Variants in MYT1 observed in about 807,000 individuals in gnomAD.
MYT1 encodes the protein myelin transcription factor I.
Under a neutral mutation model 123.0 loss-of-function variants are expected in MYT1, and 23 were observed. The observed-to-expected ratio is 0.19, with a 90% CI of 0.13 to 0.26. The LOEUF (loss-of-function observed/expected upper bound fraction) is 0.26, where lower values mean the gene tolerates loss of function less well. Among genes scored for constraint, MYT1 ranks in the 10% least tolerant of loss-of-function variants. The pLI is 1.00. For synonymous variants in MYT1, 518 were observed against 575.3 expected (o/e 0.90, Z 1.43); for missense variants, 1,125 against 1,472.5 (o/e 0.76, Z 3.86).
At chr20:64,230,381 C>T (rs1000061962) in intron 18 of MYT1, among the ~76,000 whole-genome samples, 6 of 152,126 alleles carry the variant, frequency 3.9e-5, no homozygotes, top group Admixed American at 1.3e-4. Context: ...GGCGTGGTGG[C>T]GGGCGCCTGT....
In MYT1 at chr20:64,205,642, A is replaced by G; in HGVS notation, c.239A>G (p.Lys80Arg). 1 of 1,614,210 alleles carries G rather than the reference A, an allele frequency of 6.2e-7. No individual in the cohort carries two copies. Among genetic ancestry groups the G allele is most frequent in the Non-Finnish European group, 8.5e-7 (1 of 1,180,034 alleles). Reference sequence around the variant, plus strand: ...TCCAAGAGGAAGTCACACCCCCTGAAGCTGGCTCTGGACGAGGGCTATGGT... The same window carrying G: ...TCCAAGAGGAAGTCACACCCCCTGAGGCTGGCTCTGGACGAGGGCTATGGT... ...LVSKRKSHPL[K>R]LALDEGYGVD... is the part of the protein sequence containing the mutation. Residue 80 changes from lysine to arginine, a missense_variant, in exon 6 of 23, where the codon AAG becomes AGG. Coordinates refer to ENST00000328439, the MANE Select transcript of MYT1 (RefSeq NM_004535.3).
chr20:64,195,391 TG>T (rs1983084285), intron 2 of MYT1, among the ~76,000 whole-genome samples: 1 of 87,496 alleles, frequency 1.1e-5, no homozygotes, highest in Non-Finnish European at 2.3e-5. Flanking sequence ...TGTGTGTGTG[TG>T]TGTGTATACT....
At chr20:64,195,068 G>A (rs1983069804) in intron 2 of MYT1, among the ~76,000 whole-genome samples, 1 of 151,772 alleles carries the variant, frequency 6.6e-6, no homozygotes, top group Non-Finnish European at 1.5e-5. Flanking sequence ...GCTAATTTTT[G>A]TATTTTTAGT....
In MYT1 at chr20:64,218,004, C is replaced by T. The variant is rs151066523; in HGVS notation, c.1846+723C>T. Among the ~76,000 whole-genome samples the T allele has an allele frequency of 5.3e-5, 8 of 152,308 alleles. No individual in the cohort carries two copies. The East Asian group carries it at 9.6e-4, about 18-fold the overall frequency. On this transcript the variant is annotated intron_variant, in intron 11 of 22. Coordinates refer to ENST00000328439, the MANE Select transcript of MYT1 (RefSeq NM_004535.3). This position sits in a 1 kb window ranked among gnomAD's most constrained non-coding sequence, Gnocchi z 4.0. The stretch of plus-strand genomic sequence containing the variant: ...GTACACATGAGATTGGGAGTGGCAT[C>T]GCGGGGCAGATGTTGTCAGCCCCAA...
intron 1 of MYT1, among the ~76,000 whole-genome samples, chr20:64,177,059 G>A (rs1358022269): frequency 6.6e-6 from 1 of 152,176 alleles, no homozygotes. Context: ...AGACAGCCTG[G>A]GTGAAAGGTC....
At chr20:64,182,059 T>C (rs1982669196) in intron 1 of MYT1, among the ~76,000 whole-genome samples, 1 of 152,252 alleles carries the variant, frequency 6.6e-6, no homozygotes, top group Non-Finnish European at 1.5e-5. Context: ...ATTTTTATTC[T>C]AACCGTTTTC....
At chr20:64,183,048 C>G (rs1367350849) in intron 1 of MYT1, among the ~76,000 whole-genome samples, 3 of 152,222 alleles carry the variant, frequency 2.0e-5, no homozygotes, top group Non-Finnish European at 4.4e-5. Context: ...TCTCCATTTT[C>G]TCCTCCACCA....
Position 64,208,133 on chromosome 20 carries a change from T to C in MYT1, c.937T>C (p.Phe313Leu). 1 of 1,612,412 alleles carries C rather than the reference T, an allele frequency of 6.2e-7. No homozygotes were observed. The highest frequency in any genetic ancestry group is 8.5e-7 in the Non-Finnish European group (1 of 1,179,114). Residue 313 changes from phenylalanine (F) to leucine (L), a missense_variant, in exon 7 of 23, where the codon TTT becomes CTT. Transcript: ENST00000328439. The surrounding 1 kb of genome is among the most constrained non-coding windows in gnomAD (Gnocchi z 5.4). ...GGAGGAGGCAGCTCCTGATGTGATC[T>C]TTCAGGAAGACACCTCTCACACCTC... ...EEEEAAPDVI[F>L]QEDTSHTSAQ... is the part of the protein sequence containing the mutation.
At position 64,207,979 on chromosome 20, in the gene MYT1, CGAGGAGGAG is replaced by C. The variant is rs765836332; in HGVS notation, c.795_803del (p.Glu271_Glu273del). The C allele has an allele frequency of 2.5e-6, 4 of 1,569,198 alleles. No individual in the cohort carries two copies. Among genetic ancestry groups the C allele is most frequent in the African/African-American group, 1.5e-5 (1 of 67,422 alleles). On this transcript the variant is annotated inframe_deletion, in exon 7 of 23. Coordinates refer to ENST00000328439, the MANE Select transcript of MYT1 (RefSeq NM_004535.3). ...GCATCCTGAGTCACGAAGAGGAGGA[CGAGGAGGAG>C]GAGGAGGAGGAAGAGGAGGAGGAGG...
intron 1 of MYT1, among the ~76,000 whole-genome samples, chr20:64,184,516 C>T (rs1332960533): frequency 6.6e-6 from 1 of 152,140 alleles, no homozygotes; most frequent in Non-Finnish European, 1.5e-5. Flanking sequence ...AACACATTGC[C>T]TTGATTACTG....
In MYT1 at chr20:64,189,887, T is replaced by C. The variant is rs187676834; in HGVS notation, c.-98-176T>C. ...TCAGAGAGAAATTGTCTCTTGTTCCTGAAGCAGCCATGGAGCCATGACCTT... is the reference window on the plus strand; with the variant it reads ...TCAGAGAGAAATTGTCTCTTGTTCCCGAAGCAGCCATGGAGCCATGACCTT... On this transcript the variant is annotated intron_variant, in intron 1 of 22. Transcript: ENST00000328439. The surrounding 1 kb of genome is among the most constrained non-coding windows in gnomAD (Gnocchi z 5.5). Among the ~76,000 whole-genome samples the C allele has an allele frequency of 3.3e-5, 5 of 151,910 alleles. No homozygotes were observed. The East Asian group carries it at 7.7e-4, about 24-fold the overall frequency.
chr20:64,170,876 TATATATATAGAG>T (rs1419307458), intron 1 of MYT1, among the ~76,000 whole-genome samples: 18 of 60,578 alleles, frequency 3.0e-4, no homozygotes, highest in South Asian at 6.4e-4. Context: ...TATATATATA[TATATATATAGAG>T]AGAGAGAGAG....
rs1983134895 is a variant in MYT1, at chr20:64,196,738, TCA to T, written c.1-2121_1-2120del. Reference sequence around the variant, plus strand: ...AGCTGTCAGCTTCATCAACGGGAGCTCACAGTTTTCAAGCAGTGCCCATTACA... The same window carrying T: ...AGCTGTCAGCTTCATCAACGGGAGCTCAGTTTTCAAGCAGTGCCCATTACA... On this transcript the variant is annotated intron_variant, in intron 2 of 22. Coordinates refer to ENST00000328439, the MANE Select transcript of MYT1 (RefSeq NM_004535.3). This position sits in a 1 kb window ranked among gnomAD's most constrained non-coding sequence, Gnocchi z 4.3. Among the ~76,000 whole-genome samples the T allele has an allele frequency of 6.6e-6, 1 of 152,166 alleles. No individual in the cohort carries two copies. The highest frequency in any genetic ancestry group is 2.4e-5 in the African/African-American group (1 of 41,444).
rs1018002655 is a variant in MYT1 at position 64,232,829 on chromosome 20, T to C, written c.2897+444T>C. ...TACACCTTATGCCCTGTCCGTCCCA[T>C]TCATGCCTCTTCTTTGAACTCTGGG... is the stretch of plus-strand genomic sequence containing the variant. On this transcript the variant is annotated intron_variant, in intron 19 of 22. Coordinates refer to ENST00000328439, the MANE Select transcript of MYT1 (RefSeq NM_004535.3). This position sits in a 1 kb window ranked among gnomAD's most constrained non-coding sequence, Gnocchi z 6.9. Among the ~76,000 whole-genome samples the C allele has an allele frequency of 1.3e-5, 2 of 151,984 alleles. No individual in the cohort carries two copies. The highest frequency in any genetic ancestry group is 2.9e-5 in the Non-Finnish European group (2 of 67,960).
Position 64,186,269 on chromosome 20 carries a change from C to A in MYT1, c.-98-3794C>A, listed in dbSNP as rs561685220. ...CCGGGTCCCTAGAGAGGGGTCCCAG[C>A]CAGCGCCGCCCTCTGGGTGCCGGGA... On this transcript the variant is annotated intron_variant, in intron 1 of 22. Transcript: ENST00000328439. This position sits in a 1 kb window ranked among gnomAD's most constrained non-coding sequence, Gnocchi z 4.3. Among the ~76,000 whole-genome samples the A allele has an allele frequency of 5.3e-5, 8 of 152,152 alleles. No homozygotes were observed. The highest frequency in any genetic ancestry group is 5.2e-4 in the Admixed American group (8 of 15,278).
At chr20:64,179,549 CGTT>C (rs1342302876) in intron 1 of MYT1, among the ~76,000 whole-genome samples, 7 of 152,186 alleles carry the variant, frequency 4.6e-5, no homozygotes, top group African/African-American at 1.7e-4. Context: ...TCTATAGACT[CGTT>C]GTTTCCTGTT....
At chr20:64,170,921 A>AC (rs1324986114) in intron 1 of MYT1, among the ~76,000 whole-genome samples, 1 of 138,032 alleles carries the variant, frequency 7.2e-6, no homozygotes, top group African/African-American at 2.7e-5. Flanking sequence ...AGAGAGAGAG[A>AC]GAGAGAGAGA....
intron 16 of MYT1, among the ~76,000 whole-genome samples, chr20:64,226,307 C>T (rs775514715): frequency 1.8e-4 from 28 of 152,362 alleles, no homozygotes; most frequent in Admixed American, 3.9e-4. Flanking sequence ...CCTGCTGTGC[C>T]GCCACAGCCC....
intron 10 of MYT1, among the ~76,000 whole-genome samples, chr20:64,215,667 C>A (rs892257624): frequency 2.0e-5 from 3 of 151,958 alleles, no homozygotes; most frequent in African/African-American, 7.3e-5. Flanking sequence ...TCACTATAAC[C>A]TCAAACTCCT....
Sources: allele counts gnomAD v4.1 joint callset (sites outside exome capture counted in the v4.1 genomes callset), GRCh38; gene constraint gnomAD v4.1.1; non-coding constraint Gnocchi (gnomAD v3.1); transcripts MANE v1.5; gene names NCBI Gene and HGNC (gene_info 2026-07-23, HGNC 2026-07-21).